Variants in ALPK1 observed in about 807,000 individuals in gnomAD.
ALPK1 encodes the protein alpha-protein kinase 1.
ALPK1 carries 110 observed loss-of-function variants against 120.6 expected under a neutral mutation model. The ratio of observed to expected loss-of-function variants is 0.91; its 90% CI spans 0.78 to 1.07. The LOEUF (loss-of-function observed/expected upper bound fraction) is 1.07. Ranked by LOEUF, ALPK1 falls within the 50% of genes least tolerant of loss-of-function variation. ALPK1 has a pLI of 0.00. For missense variants in ALPK1, 1,498 were observed against 1,483.9 expected (o/e 1.01, Z -0.16); for synonymous variants, 582 against 560.3 (o/e 1.04, Z -0.55).
chr4:112,377,781 A>G lies in ALPK1; in HGVS notation c.4A>G (p.Asn2Asp), dbSNP rs772662822. The change falls in exon 3 of 16, where the codon AAT (asparagine) becomes GAT (aspartate). Residue 2 changes from asparagine (N) to aspartate (D), a missense_variant. Physicochemically the swap from Asn to Asp is conservative, Grantham distance 23. Coordinates refer to ENST00000650871, the MANE Select transcript of ALPK1 (RefSeq NM_025144.4). ...CACCCAATTCATCGTAATCATCATG[A>G]ATAATCAAAAAGTGGTAGCTGTGCT... is the stretch of plus-strand genomic sequence containing the variant. M[N>D]NQKVVAVLLQ... is the part of the protein sequence containing the mutation. 1 of 1,610,064 alleles carries G rather than the reference A, an allele frequency of 6.2e-7. No homozygotes were observed. Among genetic ancestry groups the G allele is most frequent in the South Asian group, 1.1e-5 (1 of 90,450 alleles).
At chr4:112,323,852 G>C (rs575409142) in intron 2 of ALPK1, among the ~76,000 whole-genome samples, 5 of 152,276 alleles carry the variant, frequency 3.3e-5, no homozygotes, top group Admixed American at 2.6e-4. Flanking sequence ...AGAGACAAAA[G>C]GTTTTAGTAC....
intron 2 of ALPK1, among the ~76,000 whole-genome samples, chr4:112,335,507 G>A (rs867444287): frequency 2.0e-5 from 3 of 152,126 alleles, no homozygotes; most frequent in Admixed American, 6.5e-5. Flanking sequence ...GAGCCATCTT[G>A]GGATAGAAAT....
intron 4 of ALPK1, 112 bp from the exon 5 acceptor site, chr4:112,411,715 C>T: frequency 9.9e-7 from 1 of 1,014,768 alleles, no homozygotes; most frequent in South Asian, 1.4e-5. Context: ...GTATTTTTCT[C>T]TTCCTAGCTG....
rs777146494 is a variant in ALPK1 at position 112,432,620 on chromosome 4, C to A, written c.3034+39C>A. 4 of 1,575,276 alleles carry A rather than the reference C, an allele frequency of 2.5e-6. No individual in the cohort carries two copies. In the East Asian group the frequency reaches 9.0e-5, roughly 35 times the overall value. ...TTTCAATAGTTCCCCCCTCAGGAAG[C>A]AGCTGTGTTGGGGCACTCTGAAGAG... On this transcript the variant is annotated intron_variant, in intron 11 of 15. Transcript: ENST00000650871.
chr4:112,386,341 C>T (rs1190293378), intron 4 of ALPK1, among the ~76,000 whole-genome samples: 1 of 152,152 alleles, frequency 6.6e-6, no homozygotes. Context: ...CGCGCTCTCC[C>T]AGAAAAAACA....
intron 3 of ALPK1, among the ~76,000 whole-genome samples, chr4:112,379,596 CCACCGATGTCGT>C (rs1232637458): frequency 1.3e-5 from 2 of 152,250 alleles, no homozygotes; most frequent in African/African-American, 4.8e-5. Context: ...GGTCGTGCCG[CCACCGATGTCGT>C]CACCGCATGT....
intron 7 of ALPK1, 161 bp from the exon 8 acceptor site, chr4:112,426,306 G>T: frequency 2.3e-6 from 1 of 439,256 alleles, no homozygotes; most frequent in South Asian, 6.2e-5. Context: ...ATTACAACTG[G>T]AAAAACATTG....
At chr4:112,323,001 C>A (rs1288267679) in intron 2 of ALPK1, among the ~76,000 whole-genome samples, 1 of 152,208 alleles carries the variant, frequency 6.6e-6, no homozygotes, top group African/African-American at 2.4e-5. Flanking sequence ...ATCAGCCCAG[C>A]CACAGCCACC....
intron 2 of ALPK1, among the ~76,000 whole-genome samples, chr4:112,325,797 A>T (rs1729090928): frequency 6.6e-6 from 1 of 152,128 alleles, no homozygotes; most frequent in Admixed American, 6.5e-5. Context: ...ACCTTAAATG[A>T]TTTGAGTTTT....
chr4:112,363,262 C>G (rs1056554683), intron 2 of ALPK1, among the ~76,000 whole-genome samples: 1 of 152,086 alleles, frequency 6.6e-6, no homozygotes, highest in South Asian at 2.1e-4. Flanking sequence ...TGGATGTAAA[C>G]GGCCTAAATG....
intron 2 of ALPK1, among the ~76,000 whole-genome samples, chr4:112,351,091 G>A (rs1043681939): frequency 6.6e-6 from 1 of 152,230 alleles, no homozygotes; most frequent in Non-Finnish European, 1.5e-5. Context: ...TTCGTCAGAT[G>A]TCACCATGGC....
chr4:112,345,409 G>A lies in ALPK1; in HGVS notation c.-101+29557G>A, dbSNP rs78008613. 5.2e-3 allele frequency among the ~76,000 whole-genome samples: 796 copies of A among 152,276 alleles called. 15 individuals are homozygous for A. Among genetic ancestry groups the A allele is most frequent in the East Asian group, 0.043 (225 of 5,186 alleles). ...TGATTAAAAATACAATGTGTTGTTG[G>A]CAACACAGTAAGCAGATACTCCAAA... On this transcript the variant is annotated intron_variant, in intron 2 of 15. Coordinates refer to ENST00000650871, the MANE Select transcript of ALPK1 (RefSeq NM_025144.4).
In ALPK1 at chr4:112,442,239, G is replaced by A. The variant is rs952363984; in HGVS notation, c.*1029G>A. On this transcript the variant is annotated 3_prime_UTR_variant, in exon 16 of 16. Transcript: ENST00000650871. The stretch of plus-strand genomic sequence containing the variant: ...GAATTATGGGACTACAATTCGAGAT[G>A]AGATTTGGGTGGGGACACAAAGCCA... 1 of 152,166 alleles carries A rather than the reference G, an allele frequency of 6.6e-6. No homozygotes were observed. The highest frequency in any genetic ancestry group is 2.4e-5 in the African/African-American group (1 of 41,454). The allele number at this position is 152,166 out of a possible 1,614,324, so 9.4% of individuals were successfully genotyped here.
At chr4:112,392,074 A>G (rs766873269) in intron 4 of ALPK1, among the ~76,000 whole-genome samples, 1 of 152,260 alleles carries the variant, frequency 6.6e-6, no homozygotes, top group Non-Finnish European at 1.5e-5. Flanking sequence ...ATTCTTAAAC[A>G]TAACTAGAGA....
At chr4:112,386,188 C>T (rs902610313) in intron 4 of ALPK1, among the ~76,000 whole-genome samples, 2 of 152,160 alleles carry the variant, frequency 1.3e-5, no homozygotes, top group Non-Finnish European at 2.9e-5. Context: ...GTTCCCATTT[C>T]CTCCCTCCCC....
At chr4:112,371,369 C>T (rs567969661) in intron 2 of ALPK1, among the ~76,000 whole-genome samples, 10 of 152,292 alleles carry the variant, frequency 6.6e-5, no homozygotes, top group Non-Finnish European at 1.2e-4. Context: ...TTACCAGGCA[C>T]ACATAGGCCT....
chr4:112,348,357 G>T (rs972175351), intron 2 of ALPK1, among the ~76,000 whole-genome samples: 1 of 152,236 alleles, frequency 6.6e-6, no homozygotes, highest in Non-Finnish European at 1.5e-5. Context: ...GCTACACCAA[G>T]GCCTCTGTGC....
intron 4 of ALPK1, among the ~76,000 whole-genome samples, chr4:112,404,420 C>T (rs895498184): frequency 2.0e-5 from 3 of 152,144 alleles, no homozygotes; most frequent in Admixed American, 6.5e-5. Flanking sequence ...TGAAACAGCA[C>T]CACAAATGAA....
At chr4:112,357,169 C>T (rs1445842295) in intron 2 of ALPK1, 11 of 1,531,980 alleles carry the variant, frequency 7.2e-6, no homozygotes, top group Non-Finnish European at 8.1e-6. Context: ...CAGGGAGCTA[C>T]ATCTTTGAGC....
Sources: gnomAD v4.1 joint callset for allele counts (sites outside exome capture counted in the v4.1 genomes callset) on GRCh38, gnomAD v4.1.1 for gene constraint, MANE v1.5 for transcripts, NCBI Gene and HGNC (gene_info 2026-07-23, HGNC 2026-07-21) for gene names.